UGT3A1: variants seen among roughly 807,000 people sequenced by gnomAD.
UGT3A1 encodes the protein UDP glycosyltransferase family 3 member A1, also known as UDP-glycosyltransferase 3A1.
UGT3A1 carries 40 observed loss-of-function variants against 37.6 expected under a neutral mutation model. The observed-to-expected ratio is 1.06, with a 90% CI of 0.83 to 1.38. UGT3A1 has a LOEUF of 1.38. Among genes scored for constraint, UGT3A1 ranks in the 40% most tolerant of loss-of-function variants. The pLI is 0.00. For missense variants in UGT3A1, 642 were observed against 634.2 expected (o/e 1.01, Z -0.13); for synonymous variants, 256 against 232.3 (o/e 1.10, Z -0.93).
chr5:35,985,092 A>AG lies in UGT3A1; in HGVS notation c.196+3357_196+3358insC, dbSNP rs1287335921. On this transcript the variant is annotated intron_variant, in intron 2 of 6. Coordinates refer to ENST00000274278, the MANE Select transcript of UGT3A1 (RefSeq NM_152404.4). Reference sequence around the variant, plus strand: ...AAACATAAAATATAAAAAAAAAAAAAAAAGAAATTCCATTTATAATAGCTA... The same window carrying AG: ...AAACATAAAATATAAAAAAAAAAAAAGAAAGAAATTCCATTTATAATAGCTA... Among the ~76,000 whole-genome samples the AG allele has an allele frequency of 7.1e-3, 1,067 of 149,970 alleles. 18 individuals are homozygous for AG. The highest frequency in any genetic ancestry group is 0.024 in the African/African-American group (999 of 41,106).
chr5:35,998,860 T>C (rs185456477), intron 1 of UGT3A1, among the ~76,000 whole-genome samples: 50 of 152,308 alleles, frequency 3.3e-4, no homozygotes, highest in South Asian at 1.5e-3. Flanking sequence ...AACATTTACA[T>C]TGACAGATTT....
chr5:35,965,332 A>G (rs1041961909), intron 4 of UGT3A1, 54 bp downstream of exon 4: 2 of 1,566,632 alleles, frequency 1.3e-6, no homozygotes, highest in East Asian at 2.3e-5. Context: ...GCCACCAACT[A>G]TGCACCCAAG....
chr5:35,962,675 G>A (rs73076132), intron 4 of UGT3A1: 74,943 of 557,994 alleles, frequency 0.13, 5,374 homozygotes, highest in African/African-American at 0.19. Context: ...TCGTCCTCAC[G>A]CCTACAGAAA....
intron 3 of UGT3A1, among the ~76,000 whole-genome samples, chr5:35,966,395 T>C (rs1739809688): frequency 6.6e-6 from 1 of 152,222 alleles, no homozygotes; most frequent in Non-Finnish European, 1.5e-5. Flanking sequence ...TGACAGATTG[T>C]CTCATGCAGT....
At chr5:35,983,181 CA>C (rs78247641) in intron 2 of UGT3A1, among the ~76,000 whole-genome samples, 38,919 of 146,574 alleles carry the variant, frequency 0.27, 6,539 homozygotes, top group African/African-American at 0.46. Context: ...AGAGAAGATC[CA>C]AAAAAAAAAT....
intron 4 of UGT3A1, among the ~76,000 whole-genome samples, chr5:35,964,184 A>T (rs10472991): frequency 6.6e-6 from 1 of 151,830 alleles, no homozygotes; most frequent in South Asian, 2.1e-4. Context: ...AGCATCTGTT[A>T]TCTCATAATC....
rs1056651242 is a variant in UGT3A1, at chr5:35,988,661, G to T, written c.95-110C>A. On this transcript the variant is annotated intron_variant, in intron 1 of 6. Coordinates refer to ENST00000274278, the MANE Select transcript of UGT3A1 (RefSeq NM_152404.4). ...TTCAGCAGAAAAAGCATAGGGAAGA[G>T]GAAATGTGAACAGTGAGAAGATGGA... The T allele has an allele frequency of 8.8e-6, 7 of 799,636 alleles. No homozygotes were observed. The African/African-American group carries it at 1.2e-4, about 14-fold the overall frequency. 49.5% of individuals were successfully genotyped at this position (799,636 alleles called of 1,614,324 possible). A position where few individuals can be genotyped will look rare whatever the true frequency, so the allele number is the denominator to read the frequency against.
chr5:35,982,092 C>T (rs1740547010), intron 2 of UGT3A1, among the ~76,000 whole-genome samples: 1 of 152,240 alleles, frequency 6.6e-6, no homozygotes, highest in East Asian at 1.9e-4. Flanking sequence ...AAGCCTCCAC[C>T]TAGTTTTCAG....
intron 2 of UGT3A1, among the ~76,000 whole-genome samples, chr5:35,973,975 C>A (rs1015961406): frequency 6.6e-6 from 1 of 152,106 alleles, no homozygotes; most frequent in African/African-American, 2.4e-5. Flanking sequence ...GTTACTTGAT[C>A]AGTACAAGCA....
chr5:35,981,473 G>A (rs1740520710), intron 2 of UGT3A1, among the ~76,000 whole-genome samples: 2 of 152,148 alleles, frequency 1.3e-5, no homozygotes, highest in Admixed American at 1.3e-4. Flanking sequence ...CTATGCTTTA[G>A]CAGAGAAACT....
chr5:35,994,860 G>C (rs192764986), upstream of UGT3A1, among the ~76,000 whole-genome samples: 1 of 152,250 alleles, frequency 6.6e-6, no homozygotes, highest in East Asian at 1.9e-4. Context: ...AACTCCGGAT[G>C]GGTATTGTGG....
rs1018959743 is a variant in UGT3A1, at chr5:35,953,795, T to C, written c.*407A>G. The C allele has an allele frequency of 5.6e-6, 1 of 177,738 alleles. No homozygotes were observed. Among genetic ancestry groups the C allele is most frequent in the Admixed American group, 5.5e-5 (1 of 18,020 alleles). 11.0% of individuals were successfully genotyped at this position (177,738 alleles called of 1,614,324 possible). On this transcript the variant is annotated 3_prime_UTR_variant, in exon 7 of 7. Coordinates refer to ENST00000274278, the MANE Select transcript of UGT3A1 (RefSeq NM_152404.4). ...GAGAGCTTATAGGAAGGGCAAGATA[T>C]CTGCATAAAATGGAAGAATTTGAAA...
rs16902661 is a variant in UGT3A1 at position 35,956,958 on chromosome 5, G to A, written c.1075+230C>T. ...CCTCTGGTTGGAAACTTCAGGCCTC[G>A]CTTGGGTTAGAAAGAAAAAGAGAAA... On this transcript the variant is annotated intron_variant, in intron 5 of 6. Transcript: ENST00000274278. Among the ~76,000 whole-genome samples, 347 of 152,204 alleles carry A rather than the reference G, an allele frequency of 2.3e-3. 4 individuals carry two copies. The East Asian group carries it at 0.033, about 15-fold the overall frequency.
intron 3 of UGT3A1, among the ~76,000 whole-genome samples, chr5:35,967,416 G>A (rs1739853352): frequency 6.6e-6 from 1 of 152,196 alleles, no homozygotes; most frequent in Non-Finnish European, 1.5e-5. Flanking sequence ...AGATGAAGGA[G>A]ATTCTTTGTA....
intron 1 of UGT3A1, chr5:35,990,931 G>C (rs1740921107): frequency 4.9e-6 from 7 of 1,433,078 alleles, no homozygotes; most frequent in Non-Finnish European, 6.4e-6. Context: ...GAGAAGAAAG[G>C]AGAGTGTCTT....
intron 6 of UGT3A1, chr5:35,955,327 G>T: frequency 1.9e-6 from 1 of 540,342 alleles, no homozygotes; most frequent in East Asian, 3.1e-5. Flanking sequence ...GCACACTGGG[G>T]AAACACACAA....
In UGT3A1 at chr5:35,957,317, T is replaced by C. The variant is rs747090059; in HGVS notation, c.946A>G (p.Met316Val). ...GGGAGGTGGGCAAAGGCATTGTGCA[T>C]CTTCTTGAGGACTTCCTGGGACTGA... ...THQSQEVLKKMHNAFAHLPQG... is the reference protein window; with the variant it reads ...THQSQEVLKKVHNAFAHLPQG... The change falls in exon 5 of 7, where the codon ATG (methionine) becomes GTG (valine). Residue 316 changes from methionine to valine, a missense_variant. Met to Val is a conservative substitution (Grantham distance 21, BLOSUM62 1). Transcript: ENST00000274278. The C allele has an allele frequency of 6.2e-7, 1 of 1,614,170 alleles. No individual in the cohort carries two copies. The highest frequency in any genetic ancestry group is 8.5e-7 in the Non-Finnish European group (1 of 1,180,036).
In UGT3A1 at chr5:35,965,506, T is replaced by G; in HGVS notation, c.723A>C (p.Leu241=). ...EGSRPVLSHL[L]LKAELWFVNS... is the part of the protein sequence containing the mutation. ...TAACAAACCACAACTCTGCTTTCAG[T>G]AGAAGATGAGACAAAACTGGCCTAG... Residue 241 remains leucine, a synonymous_variant, in exon 4 of 7, where the codon CTA becomes CTC. Coordinates refer to ENST00000274278, the MANE Select transcript of UGT3A1 (RefSeq NM_152404.4). 1 of 1,614,220 alleles carries G rather than the reference T, an allele frequency of 6.2e-7. No homozygotes were observed. The highest frequency in any genetic ancestry group is 8.5e-7 in the Non-Finnish European group (1 of 1,180,040).
intron 2 of UGT3A1, among the ~76,000 whole-genome samples, chr5:35,977,076 AAGAAAGAAAGAAAG>A (rs60579137): frequency 0.01 from 1,122 of 109,164 alleles, 55 homozygotes; most frequent in African/African-American, 0.035. Context: ...AAAGAAAGAA[AAGAAAGAAAGAAAG>A]AGAAAGAAAG....
Sources: allele counts gnomAD v4.1 joint callset (sites outside exome capture counted in the v4.1 genomes callset), GRCh38; gene constraint gnomAD v4.1.1; transcripts MANE v1.5; gene names NCBI Gene and HGNC (gene_info 2026-07-23, HGNC 2026-07-21).